EFCAB6: variants seen among roughly 807,000 people sequenced by gnomAD.
The protein encoded by EFCAB6 is EF-hand calcium binding domain 6.
In EFCAB6, 156 loss-of-function variants were observed where a neutral mutation model predicts 169.8. The ratio of observed to expected loss-of-function variants is 0.92; its 90% confidence interval spans 0.81 to 1.05. EFCAB6 has a LOEUF of 1.05. Among genes scored for constraint, EFCAB6 ranks in the 50% least tolerant of loss-of-function variants. EFCAB6 has a pLI of 0.00. For missense variants in EFCAB6, 1,800 were observed against 1,829.1 expected (o/e 0.98, Z 0.29); for synonymous variants, 698 against 676.4 (o/e 1.03, Z -0.50).
In EFCAB6 at chr22:43,802,386, C is replaced by G. The variant is rs1261961325; in HGVS notation, c.-8+6609G>C. On this transcript the variant is annotated intron_variant, in intron 2 of 31. Coordinates refer to ENST00000262726, the MANE Select transcript of EFCAB6 (RefSeq NM_022785.4). ...TCTACTAAAACTATGAAAAATTAGC[C>G]AGGCATGGTGGGGAGTGCCTGTAAT... 2.0e-5 allele frequency among the ~76,000 whole-genome samples: 3 copies of G among 152,022 alleles called. No individual in the cohort carries two copies. The East Asian group carries it at 5.8e-4, about 29-fold the overall frequency.
chr22:43,565,731 G>A lies in EFCAB6; in HGVS notation c.3420+10566C>T, dbSNP rs141503242. On this transcript the variant is annotated intron_variant, in intron 26 of 31. Transcript: ENST00000262726. Reference sequence around the variant, plus strand: ...TGAATACTTACAGAGACAATTATATGGTTTTTTTCTATGATTCCTTACAGG... The same window carrying A: ...TGAATACTTACAGAGACAATTATATAGTTTTTTTCTATGATTCCTTACAGG... Among the ~76,000 whole-genome samples, 6 of 151,630 alleles carry A rather than the reference G, an allele frequency of 4.0e-5. No individual in the cohort carries two copies. The East Asian group carries it at 1.2e-3, about 30-fold the overall frequency.
chr22:43,784,569 G>A (rs1315694434), intron 2 of EFCAB6, among the ~76,000 whole-genome samples: 7 of 39,994 alleles, frequency 1.8e-4, no homozygotes, highest in South Asian at 1.4e-3. Flanking sequence ...ACATATATAT[G>A]TGTACATATA....
chr22:43,594,275 CAAAAAAAAAAAA>C (rs750560174), intron 23 of EFCAB6, among the ~76,000 whole-genome samples: 1 of 81,494 alleles, frequency 1.2e-5, no homozygotes, highest in Non-Finnish European at 2.4e-5. Flanking sequence ...AACTCTGTTT[CAAAAAAAAAAAA>C]AAAAAAAAAA....
chr22:43,768,312 A>G (rs1418351135), intron 4 of EFCAB6, among the ~76,000 whole-genome samples: 1 of 152,236 alleles, frequency 6.6e-6, no homozygotes, highest in Non-Finnish European at 1.5e-5. Context: ...CAGGTCTTCA[A>G]ATAAAATTGA....
rs1439765812 is a variant in EFCAB6 at position 43,784,676 on chromosome 22, T to TATGTGTGTATATATACATATACATAC, written c.-7-2352_-7-2351insGTATGTATATGTATATATACACACAT. Among the ~76,000 whole-genome samples the TATGTGTGTATATATACATATACATAC allele has an allele frequency of 4.3e-3, 270 of 63,128 alleles. 33 individuals are homozygous for TATGTGTGTATATATACATATACATAC. Among genetic ancestry groups the TATGTGTGTATATATACATATACATAC allele is most frequent in the East Asian group, 0.024 (32 of 1,334 alleles). The allele number at this position is 63,128 out of a possible 152,430, so 41.4% of individuals were successfully genotyped here. A position where few individuals can be genotyped will look rare whatever the true frequency, so the allele number is the denominator to read the frequency against. ...ATGTGTATATATACATATACATATA[T>TATGTGTGTATATATACATATACATAC]ACACACACACACACACACACACACA... On this transcript the variant is annotated intron_variant, in intron 2 of 31. Coordinates refer to ENST00000262726, the MANE Select transcript of EFCAB6 (RefSeq NM_022785.4).
chr22:43,714,876 T>C (rs974467069), intron 9 of EFCAB6, among the ~76,000 whole-genome samples: 2 of 152,204 alleles, frequency 1.3e-5, no homozygotes, highest in African/African-American at 4.8e-5. Flanking sequence ...CTGTGATCAG[T>C]GCTGCACTAT....
At chr22:43,589,320 A>G (rs56000308) in intron 24 of EFCAB6, among the ~76,000 whole-genome samples, 6,523 of 59,336 alleles carry the variant, frequency 0.11, 203 homozygotes, top group East Asian at 0.33. Context: ...AAAAAAAAAA[A>G]AGAAGTACAG....
At position 43,659,563 on chromosome 22, in the gene EFCAB6, G is replaced by A. The variant is rs142292380; in HGVS notation, c.1983+7541C>T. Among the ~76,000 whole-genome samples the A allele has an allele frequency of 2.0e-3, 303 of 152,166 alleles. 1 individual carries two copies. The highest frequency in any genetic ancestry group is 7.1e-3 in the African/African-American group (294 of 41,516). On this transcript the variant is annotated intron_variant, in intron 17 of 31. Transcript: ENST00000262726. Reference sequence around the variant, plus strand: ...TGGTCCCAGCTACTCAGGAGGGTGAGGTGGCAGGACTGCTTGAGCCTGGGA... The same window carrying A: ...TGGTCCCAGCTACTCAGGAGGGTGAAGTGGCAGGACTGCTTGAGCCTGGGA...
At chr22:43,756,871 A>G (rs2060974855) in intron 5 of EFCAB6, among the ~76,000 whole-genome samples, 1 of 152,196 alleles carries the variant, frequency 6.6e-6, no homozygotes, top group South Asian at 2.1e-4. Context: ...CAAAGGGAAC[A>G]GGCAGCTGGT....
chr22:43,732,544 T>C (rs2059994026), intron 7 of EFCAB6, among the ~76,000 whole-genome samples: 1 of 147,392 alleles, frequency 6.8e-6, no homozygotes. Context: ...CTCAGCTCAC[T>C]GCAACCTCCA....
At chr22:43,684,512 T>C (rs2058116413) in intron 11 of EFCAB6, among the ~76,000 whole-genome samples, 1 of 152,128 alleles carries the variant, frequency 6.6e-6, no homozygotes, top group African/African-American at 2.4e-5. Flanking sequence ...TACCATTGGG[T>C]GCTTCTCTTT....
chr22:43,749,552 C>T (rs1490113725), intron 6 of EFCAB6, among the ~76,000 whole-genome samples: 2 of 152,036 alleles, frequency 1.3e-5, no homozygotes, highest in African/African-American at 2.4e-5. Flanking sequence ...CGTAGATCCT[C>T]GCATGCGCAG....
chr22:43,658,432 G>A (rs2056851637), intron 17 of EFCAB6, among the ~76,000 whole-genome samples: 1 of 152,150 alleles, frequency 6.6e-6, no homozygotes, highest in Non-Finnish European at 1.5e-5. Context: ...TGTGAGTTAT[G>A]TGGCCCTGGA....
chr22:43,796,816 T>C (rs1324395062), intron 2 of EFCAB6, among the ~76,000 whole-genome samples: 3 of 152,176 alleles, frequency 2.0e-5, no homozygotes, highest in Admixed American at 1.3e-4. Flanking sequence ...GAACTAGAAG[T>C]CTTGCTGCTG....
At chr22:43,676,184 G>A (rs1369114738) in intron 13 of EFCAB6, among the ~76,000 whole-genome samples, 1 of 151,996 alleles carries the variant, frequency 6.6e-6, no homozygotes. Context: ...TTGGGAGGCC[G>A]AGGTGGGCAG....
chr22:43,674,820 C>T (rs1316881422), intron 13 of EFCAB6, among the ~76,000 whole-genome samples: 1 of 152,102 alleles, frequency 6.6e-6, no homozygotes, highest in African/African-American at 2.4e-5. Context: ...AAATTATTTG[C>T]ACCAGGTCAC....
At chr22:43,665,424 T>C (rs1218465051) in intron 17 of EFCAB6, among the ~76,000 whole-genome samples, 1 of 152,184 alleles carries the variant, frequency 6.6e-6, no homozygotes, top group Non-Finnish European at 1.5e-5. Context: ...ATAGTCACTT[T>C]CCACTCTGAA....
intron 17 of EFCAB6, among the ~76,000 whole-genome samples, chr22:43,656,206 C>T (rs923547003): frequency 2.6e-5 from 4 of 152,066 alleles, no homozygotes; most frequent in Non-Finnish European, 5.9e-5. Flanking sequence ...CCCTGACCAA[C>T]ATGGTGAAAC....
At chr22:43,565,732 G>T (rs1294955608) in intron 26 of EFCAB6, among the ~76,000 whole-genome samples, 1 of 151,258 alleles carries the variant, frequency 6.6e-6, no homozygotes, top group Non-Finnish European at 1.5e-5. Context: ...CAATTATATG[G>T]TTTTTTTCTA....
Sources: allele counts gnomAD v4.1 joint callset (sites outside exome capture counted in the v4.1 genomes callset), GRCh38; gene constraint gnomAD v4.1.1; transcripts MANE v1.5; gene names NCBI Gene and HGNC (gene_info 2026-07-23, HGNC 2026-07-21).